UNC5D: variants seen among roughly 807,000 people sequenced by gnomAD.
UNC5D encodes unc-5 netrin receptor D.
In UNC5D, 39 loss-of-function variants were observed where a neutral mutation model predicts 105.4. The observed-to-expected ratio is 0.37, with a 90% CI of 0.29 to 0.48. UNC5D has a LOEUF of 0.48. Among genes scored for constraint, UNC5D ranks in the 20% least tolerant of loss-of-function variants. UNC5D has a pLI of 0.98. For synonymous variants in UNC5D, 452 were observed against 450.4 expected, an observed-to-expected ratio of 1.00 and a Z score of -0.04; for missense variants, 991 against 1,202.4, an observed-to-expected ratio of 0.82 and a Z score of 2.60.
intron 16 of UNC5D, among the ~76,000 whole-genome samples, chr8:35,781,571 A>G (rs1319157455): frequency 1.3e-5 from 2 of 152,204 alleles, no homozygotes; most frequent in African/African-American, 4.8e-5. Context: ...TAGTACTGAA[A>G]AAAGTTAACA....
At chr8:35,351,501 G>A (rs924029750) in intron 1 of UNC5D, among the ~76,000 whole-genome samples, 1 of 152,054 alleles carries the variant, frequency 6.6e-6, no homozygotes, top group Admixed American at 6.6e-5. Flanking sequence ...TACCATCACG[G>A]TTGTATCTTC....
intron 2 of UNC5D, among the ~76,000 whole-genome samples, chr8:35,549,772 T>C (rs1480521215): frequency 1.3e-5 from 2 of 152,174 alleles, no homozygotes; most frequent in African/African-American, 4.8e-5. Flanking sequence ...AAAATTAATA[T>C]TATCACTGGA....
Position 35,722,321 on chromosome 8 carries a change from A to G in UNC5D, c.1229A>G (p.Tyr410Cys), listed in dbSNP as rs1366094687. 6 of 1,614,130 alleles carry G rather than the reference A, an allele frequency of 3.7e-6. No homozygotes were observed. The highest frequency in any genetic ancestry group is 5.1e-6 in the Non-Finnish European group (6 of 1,180,014). Reference protein sequence around the residue: ...VTLYRRSQSDYGVDVIDSSAL... With the variant: ...VTLYRRSQSDCGVDVIDSSAL... ...CTTTACAGACGGAGCCAGAGTGACT[A>G]TGGCGTGGACGTCATTGACTCTTCT... Residue 410 changes from tyrosine (Y) to cysteine (C), a missense_variant, in exon 9 of 17, where the codon TAT (tyrosine) becomes TGT (cysteine). Around this residue, in one of 3 missense-constraint regions of UNC5D, gnomAD observed 944 missense variants for 1,131.6 expected, o/e 0.83. Transcript: ENST00000404895.
intron 1 of UNC5D, among the ~76,000 whole-genome samples, chr8:35,257,081 C>G (rs1804133880): frequency 6.6e-6 from 1 of 151,290 alleles, no homozygotes; most frequent in Non-Finnish European, 1.5e-5. Flanking sequence ...AAGCAATTGT[C>G]TTGCCTTAGC....
intron 4 of UNC5D, among the ~76,000 whole-genome samples, chr8:35,639,597 A>G (rs559036078): frequency 6.6e-6 from 1 of 152,300 alleles, no homozygotes; most frequent in African/African-American, 2.4e-5. Flanking sequence ...ATAATTACTA[A>G]TATCTGAAAG....
At chr8:35,283,543 C>T (rs1035508160) in intron 1 of UNC5D, among the ~76,000 whole-genome samples, 13 of 152,050 alleles carry the variant, frequency 8.5e-5, no homozygotes, top group East Asian at 3.9e-4. Context: ...AGGCGGATCA[C>T]GAGATCAAGA....
chr8:35,442,946 C>T (rs184220838), intron 1 of UNC5D, among the ~76,000 whole-genome samples: 13 of 151,196 alleles, frequency 8.6e-5, no homozygotes, highest in Middle Eastern at 3.4e-3. Context: ...AACACACACA[C>T]ACCACTGTGC....
chr8:35,270,571 G>GAAA (rs1805211918), intron 1 of UNC5D, among the ~76,000 whole-genome samples: 1 of 152,110 alleles, frequency 6.6e-6, no homozygotes, highest in African/African-American at 2.4e-5. Context: ...CTTAATTAGT[G>GAAA]ATTATGACAA....
At chr8:35,372,077 A>T (rs1404256204) in intron 1 of UNC5D, among the ~76,000 whole-genome samples, 1 of 152,010 alleles carries the variant, frequency 6.6e-6, no homozygotes, top group Non-Finnish European at 1.5e-5. Flanking sequence ...ACATGGGAAG[A>T]TGTATTATTT....
At chr8:35,428,172 T>G (rs1259019454) in intron 1 of UNC5D, among the ~76,000 whole-genome samples, 1 of 151,864 alleles carries the variant, frequency 6.6e-6, no homozygotes, top group East Asian at 1.9e-4. Flanking sequence ...TCAGGTCATG[T>G]TTTTAACTCT....
intron 4 of UNC5D, among the ~76,000 whole-genome samples, chr8:35,604,562 C>T (rs1820141346): frequency 6.6e-6 from 1 of 152,128 alleles, no homozygotes; most frequent in South Asian, 2.1e-4. Context: ...GTGGCATTCT[C>T]TGTATTTCCT....
intron 3 of UNC5D, among the ~76,000 whole-genome samples, chr8:35,583,019 A>G (rs1020076494): frequency 2.6e-5 from 4 of 152,124 alleles, no homozygotes; most frequent in Non-Finnish European, 4.4e-5. Context: ...GGAGTTGTAG[A>G]AATTAAGCTG....
intron 1 of UNC5D, among the ~76,000 whole-genome samples, chr8:35,244,125 T>A (rs953165284): frequency 5.3e-5 from 8 of 152,196 alleles, no homozygotes; most frequent in African/African-American, 1.9e-4. Flanking sequence ...CTCACTTAAT[T>A]CTGATTGCTT....
intron 1 of UNC5D, among the ~76,000 whole-genome samples, chr8:35,246,173 T>C (rs1209223020): frequency 6.6e-6 from 1 of 152,184 alleles, no homozygotes; most frequent in Admixed American, 6.5e-5. Flanking sequence ...TTAAGGCTCC[T>C]TCCTGCTCTG....
intron 1 of UNC5D, among the ~76,000 whole-genome samples, chr8:35,252,210 G>A (rs1391313050): frequency 1.3e-5 from 2 of 151,746 alleles, no homozygotes; most frequent in Non-Finnish European, 2.9e-5. Flanking sequence ...GTAAAACCTG[G>A]TTCAAGTAAA....
intron 1 of UNC5D, among the ~76,000 whole-genome samples, chr8:35,423,153 G>C (rs1303436258): frequency 6.6e-6 from 1 of 152,228 alleles, no homozygotes; most frequent in African/African-American, 2.4e-5. Context: ...TGTGCATGGA[G>C]AACAGGTCTT....
chr8:35,407,032 C>T (rs1804850849), intron 1 of UNC5D, among the ~76,000 whole-genome samples: 1 of 152,040 alleles, frequency 6.6e-6, no homozygotes, highest in African/African-American at 2.4e-5. Flanking sequence ...CATATATGAC[C>T]ATGGTCCTGC....
chr8:35,636,238 T>C (rs1204911021), intron 4 of UNC5D, among the ~76,000 whole-genome samples: 1 of 152,206 alleles, frequency 6.6e-6, no homozygotes, highest in Non-Finnish European at 1.5e-5. Flanking sequence ...ATGGGTTTTG[T>C]ACCTACCGGT....
In UNC5D at chr8:35,785,190, C is replaced by A. The variant is rs577395383; in HGVS notation, c.2658-5169C>A. 3.3e-5 allele frequency among the ~76,000 whole-genome samples: 5 copies of A among 152,168 alleles called. No homozygotes were observed. In the South Asian group the frequency reaches 1.0e-3, roughly 32 times the overall value. On this transcript the variant is annotated intron_variant, in intron 16 of 16. Coordinates refer to ENST00000404895, the MANE Select transcript of UNC5D (RefSeq NM_080872.4). Reference sequence around the variant, plus strand: ...ACCTGCCGGTGCCCAAATGCACCAGCATTATGATGAAGAGAAATGGGTCAC... The same window carrying A: ...ACCTGCCGGTGCCCAAATGCACCAGAATTATGATGAAGAGAAATGGGTCAC...
Sources: gnomAD v4.1 joint callset for allele counts (sites outside exome capture counted in the v4.1 genomes callset) on GRCh38, gnomAD v4.1.1 for gene constraint, gnomAD v4.1.1 regional missense constraint, MANE v1.5 for transcripts, NCBI Gene and HGNC (gene_info 2026-07-23, HGNC 2026-07-21) for gene names.